The following TSPAN17 variants were observed in gnomAD, a reference collection of about 807,000 sequenced individuals.
TSPAN17 encodes the protein tetraspanin-17.
In TSPAN17, 33 loss-of-function variants were observed where a neutral mutation model predicts 40.5. The observed-to-expected ratio is 0.81, with a 90% CI of 0.62 to 1.09. The LOEUF (loss-of-function observed/expected upper bound fraction) is 1.09, where lower values mean the gene tolerates loss of function less well. Ranked by LOEUF, TSPAN17 falls within the 50% of genes least tolerant of loss-of-function variation. The pLI is 0.00. For synonymous variants in TSPAN17, 166 were observed against 169.4 expected (o/e 0.98, Z 0.15); for missense variants, 365 against 416.8 (o/e 0.88, Z 1.08).
At position 176,658,970 on chromosome 5, in the gene TSPAN17, C is replaced by A. The variant is rs1355978797; in HGVS notation, c.*1272C>A. On this transcript the variant is annotated 3_prime_UTR_variant, in exon 9 of 9. Coordinates refer to ENST00000508164, the MANE Select transcript of TSPAN17 (RefSeq NM_130465.5). The stretch of plus-strand genomic sequence containing the variant: ...GTGCCCAGCAATGTGGCTCCTTGGC[C>A]CCGCTGGCCAGTGTCCTGGGCCCCT... 6.6e-6 allele frequency: 1 copy of A among 152,324 alleles called. No individual in the cohort carries two copies. Among genetic ancestry groups the A allele is most frequent in the Non-Finnish European group, 1.5e-5 (1 of 68,102 alleles). 9.4% of individuals were successfully genotyped at this position (152,324 alleles called of 1,614,324 possible).
chr5:176,656,385 G>T (rs1325757392), intron 6 of TSPAN17, among the ~76,000 whole-genome samples: 1 of 152,252 alleles, frequency 6.6e-6, no homozygotes, highest in Non-Finnish European at 1.5e-5. Context: ...TGGTGCTCAT[G>T]AGACAGTCGG....
At chr5:176,657,138 TC>T in intron 8 of TSPAN17, 182 bp downstream of exon 8, 1 of 677,366 alleles carries the variant, frequency 1.5e-6, no homozygotes, top group Non-Finnish European at 2.5e-6. Flanking sequence ...TTGCTGTGCC[TC>T]CGCCTGGGCC....
chr5:176,651,819 G>A lies in TSPAN17; in HGVS notation c.204G>A (p.Val68=), dbSNP rs1358278298. Residue 68 remains valine (V), a synonymous_variant, in exon 3 of 9, where the codon GTG becomes GTA. Transcript: ENST00000508164. The surrounding 1 kb of genome is among the most constrained non-coding windows in gnomAD (Gnocchi z 4.5). ...GCCTTGACCCCGTGTGGCTGTTTGT[G>A]GTAGTTGGAGGCGTCATGTCGGTGC... ...LGGLDPVWLF[V]VVGGVMSVLG... is the part of the protein sequence containing the mutation. The A allele has an allele frequency of 2.5e-6, 4 of 1,614,172 alleles. No individual in the cohort carries two copies. Among genetic ancestry groups the A allele is most frequent in the Non-Finnish European group, 3.4e-6 (4 of 1,180,014 alleles).
At chr5:176,655,103 T>A in intron 5 of TSPAN17, 83 bp downstream of exon 5, 2 of 1,467,166 alleles carry the variant, frequency 1.4e-6, no homozygotes, top group Non-Finnish European at 1.8e-6. Flanking sequence ...CCCGCTCCGC[T>A]CTGCCCTGCT....
rs1298004119 is a variant in TSPAN17, at chr5:176,651,829, G to A, written c.214G>A (p.Gly72Ser). Residue 72 changes from glycine (G) to serine (S), a missense_variant, in exon 3 of 9, where the codon GGC becomes AGC. Transcript: ENST00000508164. The surrounding 1 kb of genome is among the most constrained non-coding windows in gnomAD (Gnocchi z 4.5). ...DPVWLFVVVG[G>S]VMSVLGFAGC... ...CGTGTGGCTGTTTGTGGTAGTTGGA[G>A]GCGTCATGTCGGTGCTGGGCTTTGC... The A allele has an allele frequency of 2.5e-6, 4 of 1,614,170 alleles. No individual in the cohort carries two copies. The South Asian group carries it at 4.4e-5, about 18-fold the overall frequency.
chr5:176,648,547 G>A (rs1298347586), intron 1 of TSPAN17, among the ~76,000 whole-genome samples: 1 of 152,230 alleles, frequency 6.6e-6, no homozygotes, highest in Non-Finnish European at 1.5e-5. Flanking sequence ...CTTGTGTTCA[G>A]CAAGACTCAG....
At chr5:176,656,858 G>A (rs779080904) in intron 7 of TSPAN17, 37 bp from the exon 8 acceptor site, 43 of 1,613,952 alleles carry the variant, frequency 2.7e-5, no homozygotes, top group African/African-American at 1.2e-4. Flanking sequence ...TGCCGGGGCC[G>A]CCCTCACTCT....
At chr5:176,657,276 G>A (rs1761197102) in intron 8 of TSPAN17, 1 of 701,570 alleles carries the variant, frequency 1.4e-6, no homozygotes, top group Non-Finnish European at 2.3e-6. Context: ...AGAGGGTGCA[G>A]GCCAAGTGGG....
chr5:176,655,052 A>G (rs760948978), intron 5 of TSPAN17, 32 bp downstream of exon 5: 1 of 1,578,552 alleles, frequency 6.3e-7, no homozygotes. Context: ...GAGGTAAGGG[A>G]CTTTCCAGTG....
intron 8 of TSPAN17, 78 bp downstream of exon 8, chr5:176,657,034 A>C: frequency 9.4e-6 from 13 of 1,388,366 alleles, no homozygotes; most frequent in East Asian, 2.4e-5. Flanking sequence ...CTCCTACTAT[A>C]CTCCTGACGG....
chr5:176,654,909 A>T lies in TSPAN17; in HGVS notation c.471A>T (p.Gly157=). 6.2e-7 allele frequency: 1 copy of T among 1,613,900 alleles called. No homozygotes were observed. Among genetic ancestry groups the T allele is most frequent in the Non-Finnish European group, 8.5e-7 (1 of 1,179,910 alleles). ...TGCCCCCACAGTGGTCTTGCTGCGG[A>T]GCCCGAGGCCCCAATGACTGGAACC... ...DFAQEYWSCC[G]ARGPNDWNLN... is the part of the protein sequence containing the mutation. Residue 157 remains glycine (G), a synonymous_variant, in exon 5 of 9, where the codon GGA becomes GGT. Coordinates refer to ENST00000508164, the MANE Select transcript of TSPAN17 (RefSeq NM_130465.5). The surrounding 1 kb of genome is among the most constrained non-coding windows in gnomAD (Gnocchi z 4.3).
At chr5:176,656,661 A>C in intron 6 of TSPAN17, 39 bp from the exon 7 acceptor site, 1 of 1,604,542 alleles carries the variant, frequency 6.2e-7, no homozygotes, top group African/African-American at 1.3e-5. Flanking sequence ...GCCGGCCTGA[A>C]GGGCAGGTAG....
chr5:176,656,760 C>CTG lies in TSPAN17; in HGVS notation c.692_693dup (p.Gln232CysfsTer5). ...CTGCGTGGGCCAGTTTGAGAAGTGG[C>CTG]TGCAGGACAACCTGATTGTGGTGGC... On this transcript the variant is annotated frameshift_variant, in exon 7 of 9. Coordinates refer to ENST00000508164, the MANE Select transcript of TSPAN17 (RefSeq NM_130465.5). LOFTEE classifies it high-confidence loss of function. 6.2e-7 allele frequency: 1 copy of CTG among 1,614,214 alleles called. No homozygotes were observed.
chr5:176,652,416 TA>T (rs1487935899), intron 3 of TSPAN17, among the ~76,000 whole-genome samples: 1 of 152,200 alleles, frequency 6.6e-6, no homozygotes, highest in East Asian at 1.9e-4. Context: ...TGGTGGGCTT[TA>T]GGCACTTGCC....
intron 1 of TSPAN17, 51 bp downstream of exon 1, chr5:176,647,753 G>T: frequency 2.0e-6 from 3 of 1,505,422 alleles, no homozygotes; most frequent in Non-Finnish European, 9.0e-7. Flanking sequence ...GTGGGAGAGG[G>T]AGATTCAGTC....
chr5:176,647,561 G>A lies in TSPAN17; in HGVS notation c.-55G>A, dbSNP rs908671923. On this transcript the variant is annotated 5_prime_UTR_variant, in exon 1 of 9. Transcript: ENST00000508164. Reference sequence around the variant, plus strand: ...GGCTCTAGCCCAGGGCGGCCCGCGGGGCGCTGGGCCTGGCTCCCGGCTCCG... The same window carrying A: ...GGCTCTAGCCCAGGGCGGCCCGCGGAGCGCTGGGCCTGGCTCCCGGCTCCG... 7 of 1,492,328 alleles carry A rather than the reference G, an allele frequency of 4.7e-6. No homozygotes were observed. In the Middle Eastern group the frequency reaches 5.9e-4, roughly 125 times the overall value. The allele number at this position is 1,492,328 out of a possible 1,614,324, so 92.4% of individuals were successfully genotyped here.
chr5:176,647,705 G>A lies in TSPAN17; in HGVS notation c.87+3G>A, dbSNP rs1456686646. On this transcript the variant is annotated splice_donor_region_variant and intron_variant, in intron 1 of 8. Transcript: ENST00000508164. Reference sequence around the variant, plus strand: ...TTGGCTTCAACATTGTCTTCTGGGTGAGCGCGGGGTCTGCGCCTTGCCCTG... The same window carrying A: ...TTGGCTTCAACATTGTCTTCTGGGTAAGCGCGGGGTCTGCGCCTTGCCCTG... 2 of 1,586,618 alleles carry A rather than the reference G, an allele frequency of 1.3e-6. No homozygotes were observed. The highest frequency in any genetic ancestry group is 1.7e-6 in the Non-Finnish European group (2 of 1,167,806).
At chr5:176,657,260 C>A in intron 8 of TSPAN17, 1 of 662,054 alleles carries the variant, frequency 1.5e-6, no homozygotes, top group Non-Finnish European at 2.5e-6. Flanking sequence ...AGGAAGGGCG[C>A]AGCTCAGAGG....
Position 176,657,586 on chromosome 5 carries a change from C to A in TSPAN17, c.878C>A (p.Ala293Glu). 1.2e-6 allele frequency: 2 copies of A among 1,613,680 alleles called. No homozygotes were observed. The highest frequency in any genetic ancestry group is 1.7e-6 in the Non-Finnish European group (2 of 1,179,784). ...TPTISEVLST[A>E]GPQQNSLTGA... ...ACCATTTCCGAGGTCCTGTCCACGG[C>A]GGGGCCTCAGCAGAACTCTCTGACT... The change falls in exon 9 of 9, where the codon GCG becomes GAG. Residue 293 changes from alanine (A) to glutamate (E), a missense_variant. Ala to Glu is a moderately radical substitution (Grantham distance 107). Coordinates refer to ENST00000508164, the MANE Select transcript of TSPAN17 (RefSeq NM_130465.5).
Sources: gnomAD v4.1 joint callset for allele counts (sites outside exome capture counted in the v4.1 genomes callset) on GRCh38, gnomAD v4.1.1 for gene constraint, Gnocchi (gnomAD v3.1) non-coding constraint, MANE v1.5 for transcripts, NCBI Gene and HGNC (gene_info 2026-07-23, HGNC 2026-07-21) for gene names.